Variants in RANBP2 observed in about 807,000 individuals in gnomAD.
RANBP2 encodes E3 SUMO-protein ligase RanBP2.
In RANBP2, 57 loss-of-function variants were observed where a neutral mutation model predicts 303.6. The ratio of observed to expected loss-of-function variants is 0.19; its 90% CI spans 0.15 to 0.23. RANBP2 has a LOEUF of 0.23. Among genes scored for constraint, RANBP2 ranks in the 10% least tolerant of loss-of-function variants. The pLI, the probability that RANBP2 is intolerant of heterozygous loss-of-function variation, is 1.00. For synonymous variants in RANBP2, 1,167 were observed against 1,301.5 expected, an observed-to-expected ratio of 0.90 and a Z score of 2.23; for missense variants, 3,138 against 3,780.8, an observed-to-expected ratio of 0.83 and a Z score of 4.46.
chr2:108,825,575 C>A, the RANBP2 span, among the ~76,000 whole-genome samples: 1 of 152,136 alleles, frequency 6.6e-6, no homozygotes, highest in Non-Finnish European at 1.5e-5. Context: ...ACGTAGTGTT[C>A]CGTGGCTGAC....
chr2:108,794,694 A>G, the RANBP2 span: 1 of 1,612,670 alleles, frequency 6.2e-7, no homozygotes, highest in Non-Finnish European at 8.5e-7. Flanking sequence ...TATATGACGA[A>G]TTATTTCAGA....
the RANBP2 span, among the ~76,000 whole-genome samples, chr2:109,476,399 C>A: frequency 8.5e-5 from 13 of 152,162 alleles, no homozygotes; most frequent in African/African-American, 3.1e-4. Context: ...TACTGAGTAG[C>A]CCCTAGGGGA....
the RANBP2 span, among the ~76,000 whole-genome samples, chr2:108,810,286 A>G: frequency 6.6e-6 from 1 of 152,214 alleles, no homozygotes; most frequent in Non-Finnish European, 1.5e-5. Context: ...TGTTTGTTAT[A>G]TATAGCTTTT....
At chr2:108,754,246 T>C (rs1676127509) in intron 15 of RANBP2, among the ~76,000 whole-genome samples, 1 of 151,606 alleles carries the variant, frequency 6.6e-6, no homozygotes, top group Admixed American at 6.6e-5. Flanking sequence ...TTTGTTATCT[T>C]AGCAGTGTAA....
the RANBP2 span, among the ~76,000 whole-genome samples, chr2:108,862,077 G>GTTTTTT: frequency 1.4e-5 from 2 of 141,386 alleles, no homozygotes; most frequent in Non-Finnish European, 3.0e-5. Context: ...TATGATTTCA[G>GTTTTTT]TTTTTTTTTT....
chr2:109,379,766 C>T, the RANBP2 span, among the ~76,000 whole-genome samples: 2 of 152,108 alleles, frequency 1.3e-5, no homozygotes, highest in Non-Finnish European at 2.9e-5. Flanking sequence ...CTTTGTAAAG[C>T]CCTCCTGCAG....
chr2:108,845,972 T>C, the RANBP2 span, among the ~76,000 whole-genome samples: 1 of 152,252 alleles, frequency 6.6e-6, no homozygotes, highest in Non-Finnish European at 1.5e-5. Flanking sequence ...TTTTTTGTTT[T>C]ATTCTCCATG....
the RANBP2 span, among the ~76,000 whole-genome samples, chr2:109,448,160 G>A: frequency 4.6e-5 from 7 of 152,190 alleles, no homozygotes; most frequent in South Asian, 6.2e-4. Context: ...AAGCTTGGTC[G>A]GCTTGCATGC....
At chr2:109,441,598 A>G in the RANBP2 span, among the ~76,000 whole-genome samples, 1 of 152,252 alleles carries the variant, frequency 6.6e-6, no homozygotes, top group Non-Finnish European at 1.5e-5. Context: ...GAGGTCTCCA[A>G]TGTAGAGGAG....
In RANBP2 at chr2:108,736,123, A is replaced by G. The variant is rs776504252; in HGVS notation, c.656A>G (p.Gln219Arg). Residue 219 changes from glutamine (Q) to arginine (R), a missense_variant, in exon 6 of 29, where the codon CAG becomes CGG. Gln to Arg is a conservative substitution (Grantham distance 43). This residue lies in a region of RANBP2 where 306 missense variants were observed against 381.9 expected (regional missense o/e 0.80). Coordinates refer to ENST00000283195, the MANE Select transcript of RANBP2 (RefSeq NM_006267.5). ...AAATAGGAATATCTGGAGTCTTTAC[A>G]GTGTTTGGAGTCTGATAAAAGTGAC... ...QTLKEYLESL[Q>R]CLESDKSDWR... 14 of 1,611,778 alleles carry G rather than the reference A, an allele frequency of 8.7e-6. No individual in the cohort carries two copies. The highest frequency in any genetic ancestry group is 2.2e-4 in the Middle Eastern group (1 of 4,450).
chr2:108,925,906 G>C, the RANBP2 span, among the ~76,000 whole-genome samples: 1 of 152,146 alleles, frequency 6.6e-6, no homozygotes, highest in Non-Finnish European at 1.5e-5. Context: ...GTGAACCACC[G>C]AGCCTGACCG....
chr2:108,724,727 G>T (rs1003579607), intron 1 of RANBP2, among the ~76,000 whole-genome samples: 34 of 151,948 alleles, frequency 2.2e-4, no homozygotes, highest in African/African-American at 7.5e-4. Flanking sequence ...CCTTTTGAGA[G>T]ATTTCCTTAC....
chr2:108,729,336 T>C (rs1212663683), intron 2 of RANBP2, 137 bp downstream of exon 2: 1 of 1,080,086 alleles, frequency 9.3e-7, no homozygotes, highest in Non-Finnish European at 1.3e-6. Context: ...TCACTCAGAC[T>C]GATGCTAAGG....
the RANBP2 span, among the ~76,000 whole-genome samples, chr2:109,495,959 G>A: frequency 4.6e-5 from 7 of 152,302 alleles, no homozygotes; most frequent in East Asian, 1.4e-3. Flanking sequence ...GTTGGTTCCT[G>A]GTGGGTTCGT....
the RANBP2 span, among the ~76,000 whole-genome samples, chr2:109,177,718 A>G: frequency 2.8e-4 from 43 of 152,222 alleles, no homozygotes; most frequent in Non-Finnish European, 5.6e-4. Context: ...TAGGACAGGT[A>G]GACTTCCCAG....
At chr2:109,291,077 C>T in the RANBP2 span, among the ~76,000 whole-genome samples, 2,354 of 152,270 alleles carry the variant, frequency 0.015, 48 homozygotes, top group African/African-American at 0.054. Flanking sequence ...AATCCCATAG[C>T]TTCCTTGACC....
At chr2:109,597,786 AG>A in the RANBP2 span, among the ~76,000 whole-genome samples, 1 of 152,202 alleles carries the variant, frequency 6.6e-6, no homozygotes, top group Non-Finnish European at 1.5e-5. Flanking sequence ...GGATAGCTGG[AG>A]GAAAGTCTGG....
chr2:109,129,049 C>A, the RANBP2 span: 1 of 414,312 alleles, frequency 2.4e-6, no homozygotes, highest in Non-Finnish European at 4.8e-6. Flanking sequence ...GACTAGCGAG[C>A]AGGCCAGGGG....
At chr2:109,035,192 C>G in the RANBP2 span, among the ~76,000 whole-genome samples, 1 of 152,148 alleles carries the variant, frequency 6.6e-6, no homozygotes, top group Non-Finnish European at 1.5e-5. Flanking sequence ...TCAGGGCTCC[C>G]AACCTTCTCA....
Sources: gnomAD v4.1 joint callset for allele counts (sites outside exome capture counted in the v4.1 genomes callset) on GRCh38, gnomAD v4.1.1 for gene constraint, gnomAD v4.1.1 regional missense constraint, MANE v1.5 for transcripts, NCBI Gene and HGNC (gene_info 2026-07-23, HGNC 2026-07-21) for gene names.